PRDM16: variants seen among roughly 807,000 people sequenced by gnomAD.
The protein encoded by PRDM16 is PR/SET domain 16, also known as histone-lysine N-methyltransferase PRDM16.
Under a neutral mutation model 110.6 loss-of-function variants are expected in PRDM16, and 23 were observed. That is an observed-to-expected ratio of 0.21 (90% CI 0.15 to 0.29). The LOEUF (loss-of-function observed/expected upper bound fraction) is 0.29, where lower values mean the gene tolerates loss of function less well. PRDM16 is among the 10% of genes least tolerant of loss of function. The pLI is 1.00. For synonymous variants in PRDM16, 799 were observed against 781.8 expected (o/e 1.02, Z -0.37); for missense variants, 1,615 against 1,794.3 (o/e 0.90, Z 1.81).
chr1:3,414,779 A>G (rs756670606), intron 10 of PRDM16, 132 bp downstream of exon 10: 1 of 675,636 alleles, frequency 1.5e-6, no homozygotes, highest in Non-Finnish European at 2.6e-6. Flanking sequence ...AGACGCCCTC[A>G]AAGGCAGAGG....
chr1:3,405,746 G>T, intron 8 of PRDM16, 98 bp downstream of exon 8: 2 of 1,294,892 alleles, frequency 1.5e-6, no homozygotes, highest in South Asian at 1.6e-5. Flanking sequence ...CCCCCGATCC[G>T]AGGGGCCCCA....
intron 12 of PRDM16, among the ~76,000 whole-genome samples, chr1:3,423,560 C>G (rs1255426830): frequency 6.6e-6 from 1 of 152,220 alleles, no homozygotes; most frequent in East Asian, 1.9e-4. Flanking sequence ...TCACCAGGCA[C>G]GTCCCCATCC....
At chr1:3,070,425 G>C (rs1180206928) in intron 1 of PRDM16, among the ~76,000 whole-genome samples, 1 of 147,898 alleles carries the variant, frequency 6.8e-6, no homozygotes, top group East Asian at 2.0e-4. Context: ...GCCGCGGCCC[G>C]GCCAGCGCGG....
At chr1:3,073,504 G>C (rs1641816550) in intron 1 of PRDM16, among the ~76,000 whole-genome samples, 1 of 152,158 alleles carries the variant, frequency 6.6e-6, no homozygotes, top group Non-Finnish European at 1.5e-5. Flanking sequence ...TCCCGTCGCC[G>C]GCGCGGGAGG....
chr1:3,235,621 C>T (rs1392654314), intron 2 of PRDM16, among the ~76,000 whole-genome samples: 2 of 152,228 alleles, frequency 1.3e-5, no homozygotes, highest in Non-Finnish European at 2.9e-5. Flanking sequence ...GTCACCCCCA[C>T]CCGCTCTCAC....
chr1:3,185,872 C>T (rs1644261281), intron 1 of PRDM16, among the ~76,000 whole-genome samples: 1 of 152,174 alleles, frequency 6.6e-6, no homozygotes, highest in African/African-American at 2.4e-5. Context: ...CGGGCTGTGC[C>T]ATCCCATCAG....
At chr1:3,121,710 C>T (rs368758528) in intron 1 of PRDM16, among the ~76,000 whole-genome samples, 15 of 152,364 alleles carry the variant, frequency 9.8e-5, no homozygotes, top group African/African-American at 3.4e-4. Flanking sequence ...GGCCAAGTGC[C>T]GCCGACAGCC....
chr1:3,412,570 C>T lies in PRDM16; in HGVS notation c.2373C>T (p.Gly791=), dbSNP rs760179794. 6.2e-7 allele frequency: 1 copy of T among 1,608,326 alleles called. No individual in the cohort carries two copies. Among genetic ancestry groups the T allele is most frequent in the Non-Finnish European group, 8.5e-7 (1 of 1,177,954 alleles). The change falls in exon 9 of 17, where the codon GGC becomes GGT. Residue 791 remains glycine (G), a synonymous_variant. Transcript: ENST00000270722. ...AGCCCATCCTGCCCATGCCCAAGGG[C>T]CCCTCGGCCCCCGCATCCGGCGAGG... ...DVKPILPMPK[G]PSAPASGEEQ... is the part of the protein sequence containing the mutation.
intron 1 of PRDM16, among the ~76,000 whole-genome samples, chr1:3,126,560 G>A (rs958185109): frequency 6.6e-6 from 1 of 152,300 alleles, no homozygotes; most frequent in Middle Eastern, 3.4e-3. Flanking sequence ...TGAAAACCCA[G>A]GGGCCTGTAC....
chr1:3,391,260 C>T (rs1250721975), intron 4 of PRDM16, among the ~76,000 whole-genome samples: 2 of 152,118 alleles, frequency 1.3e-5, no homozygotes, highest in African/African-American at 4.8e-5. Context: ...GGGGCTCCTT[C>T]GGTATTTCAT....
intron 3 of PRDM16, among the ~76,000 whole-genome samples, chr1:3,250,472 C>T (rs983609080): frequency 1.3e-5 from 2 of 152,156 alleles, no homozygotes; most frequent in Non-Finnish European, 2.9e-5. Context: ...CGCCGCCCCC[C>T]CACCGCCATT....
chr1:3,316,367 A>G (rs1309876908), intron 3 of PRDM16, among the ~76,000 whole-genome samples: 1 of 152,170 alleles, frequency 6.6e-6, no homozygotes, highest in Non-Finnish European at 1.5e-5. Flanking sequence ...CTAGCCTGCA[A>G]AAGCTACGGG....
At chr1:3,186,964 C>T (rs946485111) in intron 2 of PRDM16, among the ~76,000 whole-genome samples, 3 of 152,244 alleles carry the variant, frequency 2.0e-5, no homozygotes, top group Admixed American at 2.0e-4. Flanking sequence ...GCCTCAGCTT[C>T]TCCAACTCCA....
Position 3,412,127 on chromosome 1 carries a change from G to A in PRDM16, c.1930G>A (p.Glu644Lys), listed in dbSNP as rs61756438. Residue 644 changes from glutamate (E) to lysine (K), a missense_variant, in exon 9 of 17, where the codon GAG becomes AAG. Physicochemically the swap from Glu to Lys is moderately conservative, Grantham distance 56. Transcript: ENST00000270722. ...GGACAAGGGCAAGGGCAAGTCCGCC[G>A]AGGGCCAGCCCAAGTTTGGGGGCGG... ...DKDKGKGKSA[E>K]GQPKFGGGLA... 98 of 1,566,638 alleles carry A rather than the reference G, an allele frequency of 6.3e-5. No homozygotes were observed. Among genetic ancestry groups the A allele is most frequent in the African/African-American group, 1.1e-4 (8 of 73,298 alleles).
At chr1:3,349,859 C>T (rs942286150) in intron 3 of PRDM16, among the ~76,000 whole-genome samples, 8 of 152,210 alleles carry the variant, frequency 5.3e-5, no homozygotes, top group Non-Finnish European at 8.8e-5. Context: ...TCCGCAGCCC[C>T]CGCAGCCTCC....
chr1:3,368,127 G>A (rs1479850097), intron 3 of PRDM16, among the ~76,000 whole-genome samples: 2 of 152,182 alleles, frequency 1.3e-5, no homozygotes, highest in South Asian at 2.1e-4. Context: ...GGGAGGAGGT[G>A]AGGGCAACCT....
chr1:3,300,961 C>T (rs12036358), intron 3 of PRDM16, among the ~76,000 whole-genome samples: 4,020 of 152,250 alleles, frequency 0.026, 292 homozygotes, highest in East Asian at 0.25. Flanking sequence ...CCCGTTTTCT[C>T]GTCTCCACCA....
chr1:3,119,172 C>T (rs770576097), intron 1 of PRDM16, among the ~76,000 whole-genome samples: 3 of 152,184 alleles, frequency 2.0e-5, no homozygotes, highest in South Asian at 2.1e-4. Context: ...CAGGGCTGGA[C>T]AGCCCCTGCC....
At chr1:3,299,899 G>A (rs1186898432) in intron 3 of PRDM16, among the ~76,000 whole-genome samples, 7 of 58,190 alleles carry the variant, frequency 1.2e-4, no homozygotes, top group African/African-American at 3.0e-4. Flanking sequence ...TGAAGATGCC[G>A]TGCTGTGGCT....
Sources: gnomAD v4.1 joint callset for allele counts (sites outside exome capture counted in the v4.1 genomes callset) on GRCh38, gnomAD v4.1.1 for gene constraint, MANE v1.5 for transcripts, NCBI Gene and HGNC (gene_info 2026-07-23, HGNC 2026-07-21) for gene names.